Variants in DAB1 observed in about 807,000 individuals in gnomAD.
DAB1 encodes the protein DAB adaptor protein 1, also known as disabled homolog 1.
A neutral mutation model predicts 64.6 loss-of-function variants in DAB1; 15 were observed. The ratio of observed to expected loss-of-function variants is 0.23; its 90% CI spans 0.16 to 0.36. DAB1 has a LOEUF of 0.36. Ranked by LOEUF, DAB1 falls within the 10% of genes least tolerant of loss-of-function variation. DAB1 has a pLI of 1.00. For missense variants in DAB1, 596 were observed against 706.7 expected, an observed-to-expected ratio of 0.84 and a Z score of 1.78; for synonymous variants, 235 against 251.9, an observed-to-expected ratio of 0.93 and a Z score of 0.64.
At chr1:57,695,388 GAAAGAAAGAAAGA>G (rs1557427886) in intron 6 of DAB1, among the ~76,000 whole-genome samples, 1,938 of 76,532 alleles carry the variant, frequency 0.025, 70 homozygotes, top group East Asian at 0.049. Context: ...AAGAAAGAAA[GAAAGAAAGAAAGA>G]AAGAAAGAAA....
chr1:58,325,049 G>A (rs1432614121), intron 4 of DAB1, among the ~76,000 whole-genome samples: 1 of 152,178 alleles, frequency 6.6e-6, no homozygotes, highest in Non-Finnish European at 1.5e-5. Context: ...TCGCCAATAG[G>A]TCAGACTTGG....
chr1:57,100,478 A>C (rs927345145), intron 4 of DAB1, among the ~76,000 whole-genome samples: 18 of 152,240 alleles, frequency 1.2e-4, no homozygotes, highest in Non-Finnish European at 2.2e-4. Flanking sequence ...TTGCAAAGAC[A>C]CACAAGTAAT....
chr1:57,461,677 A>G lies in DAB1; in HGVS notation n.626-170511T>C, dbSNP rs546744227. On this transcript the variant is annotated intron_variant and non_coding_transcript_variant, in intron 7 of 20. Coordinates refer to the DAB1 transcript ENST00000485760. ...CAATTTGTCTTGTTACCTCTTACTC[A>G]TCTTTTCACTTTCTGCTGAAGGCTG... Among the ~76,000 whole-genome samples, 18 of 152,250 alleles carry G rather than the reference A, an allele frequency of 1.2e-4. 1 individual carries two copies. The South Asian group carries it at 3.7e-3, about 32-fold the overall frequency.
intron 7 of DAB1, among the ~76,000 whole-genome samples, chr1:57,590,374 C>T (rs1322036982): frequency 6.6e-6 from 1 of 151,628 alleles, no homozygotes; most frequent in East Asian, 1.9e-4. Context: ...GGTTGGAGTG[C>T]AGTGGTGCGA....
At chr1:57,796,348 A>T (rs560496938) in intron 6 of DAB1, among the ~76,000 whole-genome samples, 2 of 152,058 alleles carry the variant, frequency 1.3e-5, no homozygotes, top group South Asian at 2.1e-4. Context: ...TAACATGGTG[A>T]AACCCCGTCT....
At chr1:57,872,720 G>C (rs973880634) in intron 1 of DAB1, among the ~76,000 whole-genome samples, 1 of 152,088 alleles carries the variant, frequency 6.6e-6, no homozygotes, top group Non-Finnish European at 1.5e-5. Context: ...GGAGCCCAGA[G>C]GAAGGATTGA....
At chr1:58,294,417 G>A (rs11207192) in intron 4 of DAB1, among the ~76,000 whole-genome samples, 97,442 of 151,916 alleles carry the variant, frequency 0.64, 33,033 homozygotes, top group East Asian at 0.85. Flanking sequence ...TTTAATTTGA[G>A]CTAAGAAATA....
chr1:57,902,947 C>A (rs540712595), intron 5 of DAB1, among the ~76,000 whole-genome samples: 1 of 152,272 alleles, frequency 6.6e-6, no homozygotes, highest in South Asian at 2.1e-4. Flanking sequence ...GTTTAATGGA[C>A]TCACCATTCC....
intron 1 of DAB1, among the ~76,000 whole-genome samples, chr1:57,359,330 T>C (rs1679364873): frequency 6.6e-6 from 1 of 151,946 alleles, no homozygotes; most frequent in Non-Finnish European, 1.5e-5. Context: ...CTAACAGGTA[T>C]ATGAAAAAAA....
intron 6 of DAB1, among the ~76,000 whole-genome samples, chr1:57,709,789 A>T (rs1277216897): frequency 6.6e-6 from 1 of 152,132 alleles, no homozygotes; most frequent in African/African-American, 2.4e-5. Flanking sequence ...TATTATGCAG[A>T]TGGGTTCTCT....
chr1:57,160,697 A>C (rs1284844767), intron 2 of DAB1, among the ~76,000 whole-genome samples: 1 of 152,240 alleles, frequency 6.6e-6, no homozygotes, highest in African/African-American at 2.4e-5. Flanking sequence ...GACAGATACC[A>C]GGAGAAACCT....
chr1:57,314,603 G>T (rs190376443), intron 1 of DAB1, among the ~76,000 whole-genome samples: 1,592 of 152,214 alleles, frequency 0.01, 18 homozygotes, highest in Non-Finnish European at 0.012. Flanking sequence ...GCTCTATCTC[G>T]TAAGGATGCT....
At chr1:57,708,677 G>A (rs1026520411) in intron 6 of DAB1, among the ~76,000 whole-genome samples, 1 of 152,174 alleles carries the variant, frequency 6.6e-6, no homozygotes, top group African/African-American at 2.4e-5. Flanking sequence ...CCTGTCCTGG[G>A]TGCCAGCAGA....
chr1:57,312,398 G>T, intron 1 of DAB1, among the ~76,000 whole-genome samples: 1 of 150,274 alleles, frequency 6.7e-6, no homozygotes, highest in Non-Finnish European at 1.5e-5. Flanking sequence ...ATAAAATCCA[G>T]AACTAGACGA....
At chr1:57,121,385 T>A (rs1656649764) in intron 4 of DAB1, among the ~76,000 whole-genome samples, 1 of 151,860 alleles carries the variant, frequency 6.6e-6, no homozygotes, top group Non-Finnish European at 1.5e-5. Context: ...TGCTTGTCAC[T>A]ATGAAAGATG....
At chr1:58,028,156 A>G (rs968412797) in intron 5 of DAB1, among the ~76,000 whole-genome samples, 18 of 151,968 alleles carry the variant, frequency 1.2e-4, no homozygotes, top group Admixed American at 2.6e-4. Context: ...GGCACAGTTG[A>G]TTATTATCTG....
chr1:57,487,550 G>T (rs1430296881), intron 7 of DAB1, among the ~76,000 whole-genome samples: 1 of 152,138 alleles, frequency 6.6e-6, no homozygotes. Context: ...CTCAACACCT[G>T]GTAAGCCACT....
chr1:57,032,151 C>T (rs1185492477), intron 9 of DAB1, among the ~76,000 whole-genome samples: 2 of 152,136 alleles, frequency 1.3e-5, no homozygotes, highest in Non-Finnish European at 2.9e-5. Context: ...ATTCTGAAGG[C>T]ACCATTGATG....
intron 2 of DAB1, among the ~76,000 whole-genome samples, chr1:57,229,930 G>C (rs1050841967): frequency 6.6e-6 from 1 of 152,196 alleles, no homozygotes; most frequent in Non-Finnish European, 1.5e-5. Flanking sequence ...CAACAGTAGG[G>C]AAATATGCAA....
Sources: allele counts gnomAD v4.1 joint callset (sites outside exome capture counted in the v4.1 genomes callset), GRCh38; gene constraint gnomAD v4.1.1; transcripts MANE v1.5; gene names NCBI Gene and HGNC (gene_info 2026-07-23, HGNC 2026-07-21).